The following EHBP1 variants were observed in gnomAD, a reference collection of about 807,000 sequenced individuals.
EHBP1 encodes the protein EH domain-binding protein 1.
EHBP1 carries 55 observed loss-of-function variants against 144.0 expected under a neutral mutation model. The observed-to-expected ratio is 0.38, with a 90% CI of 0.31 to 0.48. EHBP1 has a LOEUF of 0.48. EHBP1 is among the 20% of genes least tolerant of loss of function. The pLI is 0.98. For missense variants in EHBP1, 1,200 were observed against 1,364.2 expected, an observed-to-expected ratio of 0.88 and a Z score of 1.90; for synonymous variants, 469 against 472.7, an observed-to-expected ratio of 0.99 and a Z score of 0.10.
At chr2:63,033,176 CGTCCATTAAATACCA>C (rs902343731) in intron 19 of EHBP1, among the ~76,000 whole-genome samples, 68 of 152,284 alleles carry the variant, frequency 4.5e-4, no homozygotes, top group African/African-American at 1.6e-3. Context: ...TCATCTCTTT[CGTCCATTAAATACCA>C]GTTACTTGGA....
chr2:62,949,187 C>G, intron 13 of EHBP1, 25 bp downstream of exon 13: 2 of 1,495,298 alleles, frequency 1.3e-6, no homozygotes, highest in Non-Finnish European at 1.8e-6. Context: ...ATGCTGAATA[C>G]TATATTTAGT....
intron 19 of EHBP1, among the ~76,000 whole-genome samples, chr2:63,024,351 A>G (rs1281079819): frequency 6.6e-6 from 1 of 152,194 alleles, no homozygotes; most frequent in African/African-American, 2.4e-5. Flanking sequence ...TCTCAAAAAG[A>G]ACAAAAAACA....
chr2:62,760,235 T>C (rs1237538870), intron 3 of EHBP1, among the ~76,000 whole-genome samples: 2 of 152,130 alleles, frequency 1.3e-5, no homozygotes, highest in Non-Finnish European at 2.9e-5. Flanking sequence ...AGCTAAACGA[T>C]AGAAAGCTGG....
chr2:62,857,610 C>A (rs986945674), intron 7 of EHBP1, among the ~76,000 whole-genome samples: 3 of 152,072 alleles, frequency 2.0e-5, no homozygotes, highest in African/African-American at 7.2e-5. Context: ...CTAAGCTATT[C>A]CTAGGTTGTA....
intron 1 of EHBP1, among the ~76,000 whole-genome samples, chr2:62,696,496 CT>C (rs1236124755): frequency 2.4e-4 from 30 of 123,120 alleles, no homozygotes; most frequent in African/African-American, 8.8e-4. Context: ...CTTTTCTTTT[CT>C]TTTTTTTCTT....
chr2:63,036,385 G>A (rs539780397), intron 19 of EHBP1, among the ~76,000 whole-genome samples: 6 of 152,130 alleles, frequency 3.9e-5, no homozygotes, highest in African/African-American at 1.4e-4. Flanking sequence ...AAGGAGATAT[G>A]TTAAACTATA....
At chr2:62,810,770 G>A (rs2044935389) in intron 5 of EHBP1, among the ~76,000 whole-genome samples, 1 of 152,184 alleles carries the variant, frequency 6.6e-6, no homozygotes, top group Non-Finnish European at 1.5e-5. Context: ...ACATCTAATG[G>A]AAGCTAAGTT....
At chr2:62,924,762 T>C (rs988062647) in intron 10 of EHBP1, among the ~76,000 whole-genome samples, 1 of 152,212 alleles carries the variant, frequency 6.6e-6, no homozygotes, top group Non-Finnish European at 1.5e-5. Context: ...TGCTGAATTC[T>C]ACCCAACCCT....
intron 5 of EHBP1, among the ~76,000 whole-genome samples, chr2:62,794,720 C>T (rs2043416727): frequency 6.6e-6 from 1 of 151,844 alleles, no homozygotes; most frequent in South Asian, 2.1e-4. Flanking sequence ...TTTTTATCAT[C>T]TTACTGAAAT....
At chr2:62,852,474 G>A (rs992248914) in intron 7 of EHBP1, among the ~76,000 whole-genome samples, 1 of 150,294 alleles carries the variant, frequency 6.7e-6, no homozygotes, top group Non-Finnish European at 1.5e-5. Flanking sequence ...TTATTCCTGT[G>A]GGGCAAATAA....
intron 5 of EHBP1, among the ~76,000 whole-genome samples, chr2:62,806,370 T>A (rs2044473448): frequency 3.9e-5 from 6 of 152,078 alleles, no homozygotes; most frequent in Admixed American, 3.9e-4. Context: ...TCGTTTGGTT[T>A]GTTTTTTTTT....
intron 10 of EHBP1, among the ~76,000 whole-genome samples, chr2:62,925,407 C>G (rs1190538789): frequency 6.6e-6 from 1 of 151,062 alleles, no homozygotes; most frequent in Non-Finnish European, 1.5e-5. Context: ...TCAAATTGTC[C>G]CTGTTTGCAG....
At chr2:62,710,258 A>G (rs1043870929) in intron 2 of EHBP1, among the ~76,000 whole-genome samples, 1 of 152,130 alleles carries the variant, frequency 6.6e-6, no homozygotes, top group Non-Finnish European at 1.5e-5. Flanking sequence ...TAATTTAACT[A>G]TGTTGCAAAT....
Position 63,045,676 on chromosome 2 carries a change from G to T in EHBP1, c.*176G>T. On this transcript the variant is annotated 3_prime_UTR_variant, in exon 23 of 23. Coordinates refer to ENST00000431489, the MANE Select transcript of EHBP1 (RefSeq NM_001142616.3). The surrounding 1 kb of genome is among the most constrained non-coding windows in gnomAD (Gnocchi z 5.7). The stretch of plus-strand genomic sequence containing the variant: ...CTCCCTCCTTTCCAAATAATATACA[G>T]AACTCCAAAATAGCTTCATTTAAGG... 1 of 574,470 alleles carries T rather than the reference G, an allele frequency of 1.7e-6. No homozygotes were observed. 35.6% of individuals were successfully genotyped at this position (574,470 alleles called of 1,614,324 possible).
chr2:62,911,366 GTTAC>G (rs2054202487), intron 10 of EHBP1, among the ~76,000 whole-genome samples: 1 of 152,116 alleles, frequency 6.6e-6, no homozygotes, highest in Admixed American at 6.6e-5. Flanking sequence ...TGTTCTTGTT[GTTAC>G]TTATTTGTTT....
chr2:62,691,191 A>C (rs1449370353), intron 1 of EHBP1, among the ~76,000 whole-genome samples: 1 of 152,194 alleles, frequency 6.6e-6, no homozygotes, highest in Non-Finnish European at 1.5e-5. Context: ...CCACCAAAAT[A>C]ACTTTGTCTT....
intron 3 of EHBP1, among the ~76,000 whole-genome samples, chr2:62,761,211 T>C (rs1439956484): frequency 6.6e-6 from 1 of 152,112 alleles, no homozygotes; most frequent in Non-Finnish European, 1.5e-5. Flanking sequence ...GTTTTTGTTT[T>C]AGGGCTGTCA....
intron 15 of EHBP1, among the ~76,000 whole-genome samples, chr2:62,981,750 G>A (rs2058982306): frequency 6.6e-6 from 1 of 152,192 alleles, no homozygotes; most frequent in Non-Finnish European, 1.5e-5. Flanking sequence ...CAAAGGACAA[G>A]TGAGGACTGG....
At chr2:63,025,169 T>C (rs2060921574) in intron 19 of EHBP1, among the ~76,000 whole-genome samples, 1 of 150,740 alleles carries the variant, frequency 6.6e-6, no homozygotes, top group Non-Finnish European at 1.5e-5. Context: ...GTAGATTAGG[T>C]AGATATTTTG....
Sources: allele counts gnomAD v4.1 joint callset (sites outside exome capture counted in the v4.1 genomes callset), GRCh38; gene constraint gnomAD v4.1.1; non-coding constraint Gnocchi (gnomAD v3.1); transcripts MANE v1.5; gene names NCBI Gene and HGNC (gene_info 2026-07-23, HGNC 2026-07-21).